GRIN3A: variants seen among roughly 807,000 people sequenced by gnomAD.
GRIN3A encodes glutamate receptor ionotropic, NMDA 3A.
Under a neutral mutation model 92.4 loss-of-function variants are expected in GRIN3A, and 47 were observed. The ratio of observed to expected loss-of-function variants is 0.51; its 90% CI spans 0.40 to 0.65. The LOEUF is 0.65. Among genes scored for constraint, GRIN3A ranks in the 30% least tolerant of loss-of-function variants. GRIN3A has a pLI of 0.00. For synonymous variants in GRIN3A, 527 were observed against 540.6 expected, an observed-to-expected ratio of 0.97 and a Z score of 0.35; for missense variants, 1,324 against 1,393.1, an observed-to-expected ratio of 0.95 and a Z score of 0.79.
chr9:101,613,266 G>A lies in GRIN3A; in HGVS notation c.2766+110C>T, dbSNP rs918101587. On this transcript the variant is annotated intron_variant, in intron 6 of 8. Coordinates refer to ENST00000361820, the MANE Select transcript of GRIN3A (RefSeq NM_133445.3). ...AAAATAATCCAAATATTATGCAAGA[G>A]TCTAGTAAATGCAATAACCTAGATG... 4.4e-6 allele frequency: 5 copies of A among 1,136,678 alleles called. No homozygotes were observed. The Admixed American group carries it at 7.5e-5, about 17-fold the overall frequency. 70.4% of individuals were successfully genotyped at this position (1,136,678 alleles called of 1,614,324 possible). A position where few individuals can be genotyped will look rare whatever the true frequency, so the allele number is the denominator to read the frequency against.
At chr9:101,736,710 A>G (rs1830210329) in intron 1 of GRIN3A, among the ~76,000 whole-genome samples, 1 of 152,148 alleles carries the variant, frequency 6.6e-6, no homozygotes, top group African/African-American at 2.4e-5. Flanking sequence ...TGGCTTCTGT[A>G]CTAGGTGCAG....
chr9:101,612,609 A>G (rs937907421), intron 6 of GRIN3A, among the ~76,000 whole-genome samples: 1 of 151,404 alleles, frequency 6.6e-6, no homozygotes, highest in African/African-American at 2.4e-5. Context: ...TTTTTTTTTT[A>G]AATTGTCAGG....
Position 101,670,330 on chromosome 9 carries a change from C to T in GRIN3A, c.2082G>A (p.Leu694=). ...AACCAAATGGACTCTTCCATTCATA[C>T]AGAGTGAGGAAGACGGCAGTGATGT... ...ALHITAVFLT[L]YEWKSPFGLT... Residue 694 remains leucine, a synonymous_variant, in exon 3 of 9, where the codon CTG becomes CTA. Coordinates refer to ENST00000361820, the MANE Select transcript of GRIN3A (RefSeq NM_133445.3). The T allele has an allele frequency of 1.9e-6, 3 of 1,613,992 alleles. No individual in the cohort carries two copies. The highest frequency in any genetic ancestry group is 2.5e-6 in the Non-Finnish European group (3 of 1,179,950).
intron 6 of GRIN3A, among the ~76,000 whole-genome samples, chr9:101,581,914 CT>C (rs1179924420): frequency 1.3e-5 from 2 of 152,224 alleles, no homozygotes; most frequent in African/African-American, 4.8e-5. Context: ...AGCAACTTGC[CT>C]TATCTTTATG....
At chr9:101,607,576 T>A (rs987768512) in intron 6 of GRIN3A, among the ~76,000 whole-genome samples, 9 of 152,180 alleles carry the variant, frequency 5.9e-5, no homozygotes, top group Non-Finnish European at 1.2e-4. Context: ...AGGAGGGCCG[T>A]GTGTATGAGA....
In GRIN3A at chr9:101,737,635, C is replaced by G; in HGVS notation, c.345G>C (p.Glu115Asp). ...RGPPGSRKPG[E>D]GARAEALWPR... is the part of the protein sequence containing the mutation. The stretch of plus-strand genomic sequence containing the variant: ...GCCACAGGGCCTCCGCCCTGGCGCC[C>G]TCCCCGGGCTTACGGGAGCCCGGCG... The change falls in exon 1 of 9, where the codon GAG (glutamate) becomes GAC (aspartate). Residue 115 changes from glutamate (E) to aspartate (D), a missense_variant. By Grantham distance (45) the Glu-to-Asp change is conservative. Coordinates refer to ENST00000361820, the MANE Select transcript of GRIN3A (RefSeq NM_133445.3). 4 of 1,611,308 alleles carry G rather than the reference C, an allele frequency of 2.5e-6. No individual in the cohort carries two copies. The highest frequency in any genetic ancestry group is 3.4e-6 in the Non-Finnish European group (4 of 1,179,590).
In GRIN3A at chr9:101,623,893, CTAG is replaced by C. The variant is rs1432564867; in HGVS notation, c.2499-463_2499-461del. Among the ~76,000 whole-genome samples the C allele has an allele frequency of 7.7e-4, 117 of 152,328 alleles. 3 individuals are homozygous for C. Among genetic ancestry groups the C allele is most frequent in the Admixed American group, 6.7e-3 (102 of 15,310 alleles). On this transcript the variant is annotated intron_variant, in intron 4 of 8. Coordinates refer to ENST00000361820, the MANE Select transcript of GRIN3A (RefSeq NM_133445.3). ...AAGTAACTTAAACCAGGTTACACAGCTAGTAAGTGTTGGGACTAGGTTCAGATG... is the reference window on the plus strand; with the variant it reads ...AAGTAACTTAAACCAGGTTACACAGCTAAGTGTTGGGACTAGGTTCAGATG...
At chr9:101,608,854 T>G (rs1828320575) in intron 6 of GRIN3A, among the ~76,000 whole-genome samples, 2 of 152,196 alleles carry the variant, frequency 1.3e-5, no homozygotes, top group Admixed American at 6.5e-5. Flanking sequence ...TATTTTAGGA[T>G]AATATTAAGG....
chr9:101,673,785 T>G (rs1459536357), intron 2 of GRIN3A, among the ~76,000 whole-genome samples: 2 of 151,978 alleles, frequency 1.3e-5, no homozygotes, highest in African/African-American at 4.8e-5. Flanking sequence ...CTCTTCCAAC[T>G]CTAGAGTTAC....
chr9:101,573,953 G>A (rs767121429), intron 8 of GRIN3A, among the ~76,000 whole-genome samples: 43 of 152,154 alleles, frequency 2.8e-4, no homozygotes, highest in African/African-American at 9.9e-4. Flanking sequence ...CCTGCTGACA[G>A]ATCTCATAAC....
At chr9:101,629,729 A>G (rs1828687651) in intron 3 of GRIN3A, among the ~76,000 whole-genome samples, 1 of 152,242 alleles carries the variant, frequency 6.6e-6, no homozygotes, top group South Asian at 2.1e-4. Flanking sequence ...TTAGAGCTTT[A>G]CATACATTAT....
chr9:101,645,368 C>T (rs1384436477), intron 3 of GRIN3A, among the ~76,000 whole-genome samples: 1 of 151,676 alleles, frequency 6.6e-6, no homozygotes, highest in Admixed American at 6.6e-5. Flanking sequence ...GTGTATGTCA[C>T]GTTTTCTTTA....
chr9:101,674,962 A>C (rs530382747), intron 2 of GRIN3A, among the ~76,000 whole-genome samples: 27 of 152,178 alleles, frequency 1.8e-4, no homozygotes, highest in Admixed American at 3.3e-4. Flanking sequence ...GGAACCATGA[A>C]GATTACTGAG....
intron 6 of GRIN3A, among the ~76,000 whole-genome samples, chr9:101,609,008 T>C (rs1023621821): frequency 2.6e-5 from 4 of 152,262 alleles, no homozygotes; most frequent in Middle Eastern, 3.4e-3. Context: ...GTAGAAGTGG[T>C]TGGATTCTTA....
At chr9:101,695,902 A>G (rs1435507930) in intron 1 of GRIN3A, among the ~76,000 whole-genome samples, 2 of 152,102 alleles carry the variant, frequency 1.3e-5, no homozygotes, top group Non-Finnish European at 2.9e-5. Flanking sequence ...CTCTTTAGAA[A>G]ATGCATTTTC....
chr9:101,575,942 A>G (rs2118778944), intron 8 of GRIN3A, among the ~76,000 whole-genome samples: 1 of 152,312 alleles, frequency 6.6e-6, no homozygotes, highest in Non-Finnish European at 1.5e-5. Flanking sequence ...CTATCTGGTA[A>G]TATAATATAG....
Position 101,690,927 on chromosome 9 carries a change from C to T in GRIN3A, c.700-3727G>A, listed in dbSNP as rs965181185. On this transcript the variant is annotated intron_variant, in intron 1 of 8. Coordinates refer to ENST00000361820, the MANE Select transcript of GRIN3A (RefSeq NM_133445.3). ...TTACATCATATATTAAAAATATGTT[C>T]CAGGCCATTAAAGAGCTAAAAGTAC... Among the ~76,000 whole-genome samples, 138 of 151,686 alleles carry T rather than the reference C, an allele frequency of 9.1e-4. 12 individuals carry two copies. The highest frequency in any genetic ancestry group is 1.5e-5 in the Non-Finnish European group (1 of 67,884).
intron 1 of GRIN3A, among the ~76,000 whole-genome samples, chr9:101,727,882 C>T (rs910660949): frequency 7.4e-5 from 11 of 149,036 alleles, no homozygotes; most frequent in Non-Finnish European, 1.5e-4. Flanking sequence ...TAGATAAATT[C>T]GGATCTAGAT....
intron 2 of GRIN3A, among the ~76,000 whole-genome samples, chr9:101,679,169 T>G (rs183645311): frequency 6.6e-6 from 1 of 152,188 alleles, no homozygotes; most frequent in African/African-American, 2.4e-5. Flanking sequence ...GTATGCAGAT[T>G]GAAGTGGTCT....
Sources: gnomAD v4.1 joint callset for allele counts (sites outside exome capture counted in the v4.1 genomes callset) on GRCh38, gnomAD v4.1.1 for gene constraint, MANE v1.5 for transcripts, NCBI Gene and HGNC (gene_info 2026-07-23, HGNC 2026-07-21) for gene names.